KCNN2: variants seen among roughly 807,000 people sequenced by gnomAD.
The protein encoded by KCNN2 is small conductance calcium-activated potassium channel protein 2.
KCNN2 carries 24 observed loss-of-function variants against 55.5 expected under a neutral mutation model. The ratio of observed to expected loss-of-function variants is 0.43; its 90% CI spans 0.31 to 0.61. KCNN2 has a LOEUF of 0.61. KCNN2 is among the 20% of genes least tolerant of loss of function. The probability of loss-of-function intolerance (pLI) is 0.08; values close to 1 mark genes in which losing one functional copy is unlikely to be tolerated. For synonymous variants in KCNN2, 431 were observed against 336.1 expected, an observed-to-expected ratio of 1.28 and a Z score of -3.09; for missense variants, 754 against 853.6, an observed-to-expected ratio of 0.88 and a Z score of 1.45.
intron 1 of KCNN2, among the ~76,000 whole-genome samples, chr5:114,136,992 A>G (rs1752186650): frequency 6.6e-6 from 1 of 152,228 alleles, no homozygotes; most frequent in Admixed American, 6.5e-5. Flanking sequence ...CTCTGTGCCC[A>G]CATTTAACCA....
At chr5:114,102,727 G>T (rs952925515) in intron 1 of KCNN2, among the ~76,000 whole-genome samples, 10 of 152,152 alleles carry the variant, frequency 6.6e-5, no homozygotes, top group Non-Finnish European at 2.9e-5. Flanking sequence ...TGTCAAGTTT[G>T]TCAAAGATCA....
chr5:114,332,564 C>T (rs1756844613), intron 2 of KCNN2, among the ~76,000 whole-genome samples: 2 of 152,136 alleles, frequency 1.3e-5, no homozygotes, highest in Admixed American at 1.3e-4. Flanking sequence ...TGATATTTAA[C>T]CAAATCTGAA....
rs149659275 is a variant in KCNN2 at position 114,057,648 on chromosome 5, T to C, written c.-271+1148T>C. Among the ~76,000 whole-genome samples, 850 of 152,244 alleles carry C rather than the reference T, an allele frequency of 5.6e-3. 1 individual carries two copies. The highest frequency in any genetic ancestry group is 8.2e-3 in the Non-Finnish European group (555 of 68,022). ...CTATATAATTTCAGGTAGTGGTAGA[T>C]ACTATAAAGAAAAGAGAACAGAGTA... On this transcript the variant is annotated intron_variant, in intron 1 of 10. Transcript: ENST00000512097.
intron 1 of KCNN2, among the ~76,000 whole-genome samples, chr5:114,070,570 G>A (rs542109683): frequency 6.6e-6 from 1 of 152,312 alleles, no homozygotes; most frequent in South Asian, 2.1e-4. Context: ...CCCTCACAGA[G>A]CGGGAGCTGG....
chr5:114,316,687 C>A (rs1219277408), intron 2 of KCNN2, among the ~76,000 whole-genome samples: 3 of 152,098 alleles, frequency 2.0e-5, no homozygotes, highest in Non-Finnish European at 4.4e-5. Flanking sequence ...AAAATGTAAC[C>A]CAATCAGTCA....
chr5:114,263,937 T>G (rs1277089642), intron 2 of KCNN2, among the ~76,000 whole-genome samples: 1 of 152,202 alleles, frequency 6.6e-6, no homozygotes, highest in African/African-American at 2.4e-5. Flanking sequence ...CATCCTGAGC[T>G]GACCCAAATG....
intron 2 of KCNN2, among the ~76,000 whole-genome samples, chr5:114,234,978 T>G (rs1754462459): frequency 6.6e-6 from 1 of 152,192 alleles, no homozygotes; most frequent in African/African-American, 2.4e-5. Flanking sequence ...ATGTCCTGTT[T>G]TGGGGGCTAT....
At chr5:114,416,507 T>G (rs1392514927) in intron 3 of KCNN2, among the ~76,000 whole-genome samples, 1 of 152,152 alleles carries the variant, frequency 6.6e-6, no homozygotes, top group East Asian at 1.9e-4. Context: ...GTGACTGTTC[T>G]TTATACTGTG....
At chr5:114,244,594 G>C (rs1295012814) in intron 2 of KCNN2, among the ~76,000 whole-genome samples, 1 of 151,758 alleles carries the variant, frequency 6.6e-6, no homozygotes, top group African/African-American at 2.4e-5. Flanking sequence ...CAAAACTCTG[G>C]GGCGGGCATG....
At chr5:114,365,978 G>T (rs1757587387) in intron 2 of KCNN2, among the ~76,000 whole-genome samples, 1 of 152,122 alleles carries the variant, frequency 6.6e-6, no homozygotes, top group Non-Finnish European at 1.5e-5. Context: ...TGAAAACATT[G>T]ACTCTTTAAG....
intron 1 of KCNN2, among the ~76,000 whole-genome samples, chr5:114,113,990 C>A (rs951913226): frequency 6.6e-6 from 1 of 152,184 alleles, no homozygotes; most frequent in East Asian, 1.9e-4. Flanking sequence ...TTTGGATCAC[C>A]TTCAGTATCA....
intron 2 of KCNN2, among the ~76,000 whole-genome samples, chr5:114,312,446 T>C (rs1469819656): frequency 1.2e-3 from 57 of 48,934 alleles, no homozygotes; most frequent in African/African-American, 1.8e-3. Context: ...TATATATATA[T>C]ATATATATAT....
At position 114,281,612 on chromosome 5, in the gene KCNN2, C is replaced by T. The variant is rs997734511; in HGVS notation, c.-185+60047C>T. ...CTCTGTCTCTCTCTCTCTCTCTCCC[C>T]GCCCCTCCATCTCTGTGTGTGTGTG... On this transcript the variant is annotated intron_variant, in intron 2 of 10. Transcript: ENST00000512097. Among the ~76,000 whole-genome samples, 6 of 128,540 alleles carry T rather than the reference C, an allele frequency of 4.7e-5. No individual in the cohort carries two copies. In the East Asian group the frequency reaches 1.0e-3, roughly 21 times the overall value. 84.3% of individuals were successfully genotyped at this position (128,540 alleles called of 152,430 possible). A position where few individuals can be genotyped will look rare whatever the true frequency, so the allele number is the denominator to read the frequency against.
chr5:114,300,955 A>G (rs1252209598), intron 2 of KCNN2, among the ~76,000 whole-genome samples: 2 of 152,230 alleles, frequency 1.3e-5, no homozygotes, highest in Admixed American at 6.5e-5. Flanking sequence ...CCTTTAGATC[A>G]TGGTGTAAAA....
At chr5:114,442,366 G>T (rs1262865343) in intron 3 of KCNN2, among the ~76,000 whole-genome samples, 4 of 151,946 alleles carry the variant, frequency 2.6e-5, no homozygotes, top group East Asian at 3.9e-4. Context: ...GGACATTTAT[G>T]TAGTGATTTT....
At chr5:114,354,446 T>C (rs1757263714) in intron 2 of KCNN2, among the ~76,000 whole-genome samples, 1 of 152,066 alleles carries the variant, frequency 6.6e-6, no homozygotes, top group Non-Finnish European at 1.5e-5. Flanking sequence ...GATTTGGGTA[T>C]GAATATGAGG....
chr5:114,118,456 G>T (rs1163125871), intron 1 of KCNN2, among the ~76,000 whole-genome samples: 1 of 152,114 alleles, frequency 6.6e-6, no homozygotes, highest in East Asian at 1.9e-4. Context: ...AAGTCTGAAG[G>T]CCTGAGAACC....
At chr5:114,319,819 C>G (rs891580427) in intron 2 of KCNN2, among the ~76,000 whole-genome samples, 3 of 152,118 alleles carry the variant, frequency 2.0e-5, no homozygotes, top group Non-Finnish European at 2.9e-5. Context: ...TGCTTTGTCC[C>G]ATCACATGCT....
chr5:114,356,587 A>T (rs1757297621), intron 2 of KCNN2, among the ~76,000 whole-genome samples: 1 of 152,086 alleles, frequency 6.6e-6, no homozygotes, highest in African/African-American at 2.4e-5. Context: ...GGTAGGAGAC[A>T]AGGGTGAGAA....
Sources: gnomAD v4.1 joint callset for allele counts (sites outside exome capture counted in the v4.1 genomes callset) on GRCh38, gnomAD v4.1.1 for gene constraint, MANE v1.5 for transcripts, NCBI Gene and HGNC (gene_info 2026-07-23, HGNC 2026-07-21) for gene names.